Variants in ASAP3 observed in about 807,000 individuals in gnomAD.
ASAP3 encodes ArfGAP with SH3 domain, ankyrin repeat and PH domain 3.
A neutral mutation model predicts 118.2 loss-of-function variants in ASAP3; 85 were observed. The ratio of observed to expected loss-of-function variants is 0.72; its 90% confidence interval spans 0.60 to 0.86. The LOEUF is 0.86. Among genes scored for constraint, ASAP3 ranks in the 40% least tolerant of loss-of-function variants. ASAP3 has a pLI of 0.00. For synonymous variants in ASAP3, 432 were observed against 477.4 expected (o/e 0.90, Z 1.24); for missense variants, 1,026 against 1,175.0 (o/e 0.87, Z 1.85).
chr1:23,470,623 C>G (rs1011393747), intron 1 of ASAP3, among the ~76,000 whole-genome samples: 9 of 152,252 alleles, frequency 5.9e-5, no homozygotes, highest in Non-Finnish European at 1.3e-4. Context: ...CCTGTATGCT[C>G]TGACATTTAT....
chr1:23,446,000 A>G (rs1171570634), intron 5 of ASAP3, among the ~76,000 whole-genome samples: 2 of 151,814 alleles, frequency 1.3e-5, no homozygotes, highest in East Asian at 1.9e-4. Flanking sequence ...AAAAAAGAAG[A>G]AGGAATATCT....
intron 5 of ASAP3, among the ~76,000 whole-genome samples, chr1:23,446,627 G>A (rs534269949): frequency 4.6e-5 from 7 of 152,078 alleles, no homozygotes; most frequent in South Asian, 2.1e-4. Flanking sequence ...TAGTAGAGCC[G>A]GGGTTTCACA....
chr1:23,480,900 C>T (rs918252060), intron 1 of ASAP3, among the ~76,000 whole-genome samples: 1 of 152,174 alleles, frequency 6.6e-6, no homozygotes, highest in Non-Finnish European at 1.5e-5. Context: ...CATGGTGCTT[C>T]ATAATTGAAC....
intron 5 of ASAP3, among the ~76,000 whole-genome samples, chr1:23,447,343 T>C (rs1641079352): frequency 6.6e-6 from 1 of 152,232 alleles, no homozygotes; most frequent in Non-Finnish European, 1.5e-5. Flanking sequence ...TACTATGTTC[T>C]GTTTTATTAC....
chr1:23,484,339 C>A, upstream of ASAP3: 1 of 437,058 alleles, frequency 2.3e-6, no homozygotes, highest in Non-Finnish European at 3.5e-6. Flanking sequence ...CCTCCACCGC[C>A]AAGGTCCAGG....
intron 1 of ASAP3, among the ~76,000 whole-genome samples, chr1:23,469,480 C>G (rs1261785546): frequency 1.3e-5 from 2 of 152,078 alleles, no homozygotes; most frequent in African/African-American, 2.4e-5. Context: ...AAGTTTAACT[C>G]CAGGGCTGGG....
upstream of ASAP3, chr1:23,484,335 C>T: frequency 2.2e-6 from 1 of 445,864 alleles, no homozygotes; most frequent in Non-Finnish European, 3.4e-6. Context: ...CCTTCCTCCA[C>T]CGCCAAGGTC....
chr1:23,453,526 G>A (rs1641291296), intron 3 of ASAP3, among the ~76,000 whole-genome samples: 1 of 152,152 alleles, frequency 6.6e-6, no homozygotes, highest in Non-Finnish European at 1.5e-5. Context: ...TACCTTAAGA[G>A]GAAAGGATAG....
rs939838631 is a variant in ASAP3, at chr1:23,434,158, C to G, written c.1951+96G>C. 24 of 1,241,426 alleles carry G rather than the reference C, an allele frequency of 1.9e-5. No individual in the cohort carries two copies. The Admixed American group carries it at 2.5e-4, about 13-fold the overall frequency. The allele number at this position is 1,241,426 out of a possible 1,614,324, so 76.9% of individuals were successfully genotyped here. ...AAACCCCTAAGATCACAGAGGTGGTCAGAAGCAAGCCAGGATTAGAGCCCG... is the reference window on the plus strand; with the variant it reads ...AAACCCCTAAGATCACAGAGGTGGTGAGAAGCAAGCCAGGATTAGAGCCCG... On this transcript the variant is annotated intron_variant, in intron 19 of 24. Coordinates refer to ENST00000336689, the MANE Select transcript of ASAP3 (RefSeq NM_017707.4).
chr1:23,462,615 C>T (rs1242787310), intron 1 of ASAP3, among the ~76,000 whole-genome samples: 1 of 151,852 alleles, frequency 6.6e-6, no homozygotes, highest in Non-Finnish European at 1.5e-5. Flanking sequence ...AAAAATTAGC[C>T]GGGCATGGTG....
At chr1:23,434,079 T>C (rs1257490984) in intron 19 of ASAP3, among the ~76,000 whole-genome samples, 175 bp downstream of exon 19, 1 of 152,146 alleles carries the variant, frequency 6.6e-6, no homozygotes, top group Non-Finnish European at 1.5e-5. Flanking sequence ...GCTAGGTCAG[T>C]GGTATTATTC....
At position 23,429,064 on chromosome 1, in the gene ASAP3, G is replaced by A. The variant is rs569576658; in HGVS notation, c.*792C>T. The A allele has an allele frequency of 7.2e-4, 111 of 154,512 alleles. No homozygotes were observed. Among genetic ancestry groups the A allele is most frequent in the Non-Finnish European group, 8.6e-4 (59 of 68,226 alleles). The allele number at this position is 154,512 out of a possible 1,614,324, so 9.6% of individuals were successfully genotyped here. On this transcript the variant is annotated 3_prime_UTR_variant, in exon 25 of 25. Coordinates refer to ENST00000336689, the MANE Select transcript of ASAP3 (RefSeq NM_017707.4). ...TGCTAAATCAAGGACACAGGCAAAT[G>A]TGGGTGCATCTGACTCTACAATTTG...
chr1:23,439,065 G>A, intron 11 of ASAP3, 96 bp downstream of exon 11: 1 of 1,474,654 alleles, frequency 6.8e-7, no homozygotes, highest in Non-Finnish European at 9.4e-7. Context: ...AGGTTTGGGG[G>A]CCAGTCTTAG....
At chr1:23,444,311 C>T (rs556860466) in intron 5 of ASAP3, among the ~76,000 whole-genome samples, 2 of 152,122 alleles carry the variant, frequency 1.3e-5, no homozygotes, top group Non-Finnish European at 2.9e-5. Flanking sequence ...CCTGGAAATC[C>T]CACGCCCAGC....
chr1:23,458,626 A>C lies in ASAP3; in HGVS notation c.130-2432T>G, dbSNP rs1181899142. Reference sequence around the variant, plus strand: ...AAAGCAAAGCAAACAAACAAAAAACAACCAAAATGTTTCTTACTAAAGAGA... The same window carrying C: ...AAAGCAAAGCAAACAAACAAAAAACCACCAAAATGTTTCTTACTAAAGAGA... On this transcript the variant is annotated intron_variant, in intron 1 of 24. Coordinates refer to ENST00000336689, the MANE Select transcript of ASAP3 (RefSeq NM_017707.4). 2.6e-5 allele frequency among the ~76,000 whole-genome samples: 4 copies of C among 152,262 alleles called. No individual in the cohort carries two copies. The East Asian group carries it at 7.7e-4, about 29-fold the overall frequency.
At position 23,436,663 on chromosome 1, in the gene ASAP3, G is replaced by T. The variant is rs759002372; in HGVS notation, c.1477-9C>A. 3 of 1,614,146 alleles carry T rather than the reference G, an allele frequency of 1.9e-6. No homozygotes were observed. The highest frequency in any genetic ancestry group is 2.5e-6 in the Non-Finnish European group (3 of 1,179,988). On this transcript the variant is annotated splice_polypyrimidine_tract_variant and intron_variant, in intron 15 of 24. Coordinates refer to ENST00000336689, the MANE Select transcript of ASAP3 (RefSeq NM_017707.4). The surrounding 1 kb of genome is among the most constrained non-coding windows in gnomAD (Gnocchi z 4.2). ...CCCATGTTCAAGGCCAGCTGGAGTC[G>T]TAGGAAAATAGACGTGGGGCGGAGT...
chr1:23,436,530 G>C lies in ASAP3; in HGVS notation c.1571+30C>G. The C allele has an allele frequency of 6.2e-7, 1 of 1,609,526 alleles. No individual in the cohort carries two copies. The highest frequency in any genetic ancestry group is 1.1e-5 in the South Asian group (1 of 90,998). ...CTGCGGAGGCAGAATCCCCTAGGCA[G>C]GGTGCCCCTCTCTCTGAGAATCCCC... On this transcript the variant is annotated intron_variant, in intron 16 of 24. Transcript: ENST00000336689. The surrounding 1 kb of genome is among the most constrained non-coding windows in gnomAD (Gnocchi z 4.2).
intron 1 of ASAP3, among the ~76,000 whole-genome samples, chr1:23,475,690 C>A (rs1161313897): frequency 6.6e-6 from 1 of 152,170 alleles, no homozygotes; most frequent in Non-Finnish European, 1.5e-5. Context: ...GAATTCTTGG[C>A]CAGGCACAAG....
intron 6 of ASAP3, 114 bp from the exon 7 acceptor site, chr1:23,442,385 A>G: frequency 6.3e-7 from 1 of 1,580,540 alleles, no homozygotes; most frequent in Non-Finnish European, 8.6e-7. Context: ...GGCCTTGGTG[A>G]CATCCCACAG....
Sources: allele counts gnomAD v4.1 joint callset (sites outside exome capture counted in the v4.1 genomes callset), GRCh38; gene constraint gnomAD v4.1.1; non-coding constraint Gnocchi (gnomAD v3.1); transcripts MANE v1.5; gene names NCBI Gene and HGNC (gene_info 2026-07-23, HGNC 2026-07-21).